The following CPNE5 variants were observed in gnomAD, a reference collection of about 807,000 sequenced individuals.
CPNE5 encodes copine 5.
CPNE5 carries 42 observed loss-of-function variants against 81.1 expected under a neutral mutation model. The observed-to-expected ratio is 0.52, with a 90% CI of 0.40 to 0.67. CPNE5 has a LOEUF of 0.67. CPNE5 is among the 30% of genes least tolerant of loss of function. The pLI is 0.00. For missense variants in CPNE5, 612 were observed against 815.5 expected (o/e 0.75, Z 3.04); for synonymous variants, 313 against 321.5 (o/e 0.97, Z 0.28).
rs1229304644 is a variant in CPNE5, at chr6:36,803,891, C to CT, written c.184-3822dup. On this transcript the variant is annotated intron_variant, in intron 3 of 20. Coordinates refer to ENST00000244751, the MANE Select transcript of CPNE5 (RefSeq NM_020939.2). ...AGTGGGTGGGGCCTGAACAACTGTG[C>CT]TTTTTTAAAGTTCCCTAGGTGATCG... is the stretch of plus-strand genomic sequence containing the variant. Among the ~76,000 whole-genome samples the CT allele has an allele frequency of 3.3e-5, 5 of 152,238 alleles. No individual in the cohort carries two copies. The East Asian group carries it at 9.6e-4, about 29-fold the overall frequency.
At chr6:36,787,119 C>T (rs764159412) in intron 8 of CPNE5, among the ~76,000 whole-genome samples, 12 of 152,240 alleles carry the variant, frequency 7.9e-5, no homozygotes, top group South Asian at 2.1e-4. Flanking sequence ...TGCATACTTC[C>T]GAGTCTCAGA....
intron 8 of CPNE5, among the ~76,000 whole-genome samples, chr6:36,782,227 G>A (rs1043617976): frequency 2.0e-5 from 3 of 152,162 alleles, no homozygotes; most frequent in Non-Finnish European, 4.4e-5. Context: ...AGTCGCCTGA[G>A]TGACATTCTT....
At chr6:36,827,533 A>G (rs1463681430) in intron 1 of CPNE5, 1 of 982,570 alleles carries the variant, frequency 1.0e-6, no homozygotes, top group East Asian at 1.1e-4. Context: ...AGCCGTCCAA[A>G]TACCACATGT....
intron 6 of CPNE5, among the ~76,000 whole-genome samples, chr6:36,796,266 A>G (rs910832819): frequency 2.6e-5 from 4 of 152,222 alleles, no homozygotes; most frequent in African/African-American, 9.6e-5. Context: ...ATATTTTAGA[A>G]CTTGCTTGTC....
rs368358157 is a variant in CPNE5 at position 36,762,274 on chromosome 6, ACACACACGCACGCG to A, written c.855+629_855+642del. Among the ~76,000 whole-genome samples the A allele has an allele frequency of 2.8e-3, 415 of 149,116 alleles. 3 individuals are homozygous for A. The highest frequency in any genetic ancestry group is 9.7e-3 in the African/African-American group (388 of 40,146). On this transcript the variant is annotated intron_variant, in intron 12 of 20. Coordinates refer to ENST00000244751, the MANE Select transcript of CPNE5 (RefSeq NM_020939.2). The stretch of plus-strand genomic sequence containing the variant: ...AGAACACACACATGCACACGCATAC[ACACACACGCACGCG>A]CACACACACATACATGCACACACAC...
At chr6:36,823,148 C>A in intron 1 of CPNE5, 50 bp from the exon 2 acceptor site, 1 of 1,461,992 alleles carries the variant, frequency 6.8e-7, no homozygotes, top group Non-Finnish European at 9.2e-7. Flanking sequence ...TGAGAGGAGG[C>A]GACCTCAGGG....
At chr6:36,747,026 G>A (rs765365945) in intron 15 of CPNE5, among the ~76,000 whole-genome samples, 1 of 151,822 alleles carries the variant, frequency 6.6e-6, no homozygotes, top group Non-Finnish European at 1.5e-5. Context: ...CCTGTCACTC[G>A]CCAGTCCCAG....
intron 1 of CPNE5, among the ~76,000 whole-genome samples, chr6:36,830,973 AT>A (rs1199166463): frequency 6.6e-6 from 1 of 152,064 alleles, no homozygotes; most frequent in African/African-American, 2.4e-5. Context: ...CTGCCTAGCA[AT>A]GTGCTTCCAT....
rs1338191185 is a variant in CPNE5 at position 36,741,864 on chromosome 6, C to T, written c.*404G>A. 1 of 193,280 alleles carries T rather than the reference C, an allele frequency of 5.2e-6. No homozygotes were observed. Among genetic ancestry groups the T allele is most frequent in the Admixed American group, 5.6e-5 (1 of 17,884 alleles). 12.0% of individuals were successfully genotyped at this position (193,280 alleles called of 1,614,324 possible). A position where few individuals can be genotyped will look rare whatever the true frequency, so the allele number is the denominator to read the frequency against. On this transcript the variant is annotated 3_prime_UTR_variant, in exon 21 of 21. Transcript: ENST00000244751. ...CGGGGCTCAGGGACAGGAGTAGACA[C>T]CATGGGAGGATGGGACGGAGATGGG...
intron 3 of CPNE5, among the ~76,000 whole-genome samples, chr6:36,815,264 A>G (rs1205561152): frequency 6.6e-6 from 1 of 152,142 alleles, no homozygotes; most frequent in Non-Finnish European, 1.5e-5. Flanking sequence ...CCTGGGTTGA[A>G]AGTGAGCTCC....
intron 9 of CPNE5, among the ~76,000 whole-genome samples, chr6:36,776,660 C>G (rs1050992682): frequency 6.6e-6 from 1 of 152,192 alleles, no homozygotes; most frequent in Non-Finnish European, 1.5e-5. Context: ...CTTGTGGACC[C>G]TCTGCAGCCT....
intron 1 of CPNE5, among the ~76,000 whole-genome samples, chr6:36,836,928 G>A (rs1042125393): frequency 6.6e-6 from 1 of 152,174 alleles, no homozygotes; most frequent in Admixed American, 6.5e-5. Flanking sequence ...CTGGCTTTCT[G>A]GAGAACATGA....
At chr6:36,825,715 C>G (rs540517758) in intron 1 of CPNE5, among the ~76,000 whole-genome samples, 1 of 152,116 alleles carries the variant, frequency 6.6e-6, no homozygotes, top group Non-Finnish European at 1.5e-5. Flanking sequence ...TTCCCTGGGC[C>G]GACATTCTCA....
rs777363275 is a variant in CPNE5, at chr6:36,746,419, T to C, written c.1177A>G (p.Arg393Gly). The part of the protein sequence containing the change: ...GFGAKLPPDG[R>G]VSHEFPLNGN... ...ACCAGTGGGAACTCGTGGGACACTCTGCCATCCGGGGGCAGCTTGGCCCCG... is the reference window on the plus strand; with the variant it reads ...ACCAGTGGGAACTCGTGGGACACTCCGCCATCCGGGGGCAGCTTGGCCCCG... The change falls in exon 16 of 21, where the codon AGA becomes GGA. Residue 393 changes from arginine (R) to glycine (G), a missense_variant. Physicochemically the swap from Arg to Gly is moderately radical, Grantham distance 125. Transcript: ENST00000244751. This position sits in a 1 kb window ranked among gnomAD's most constrained non-coding sequence, Gnocchi z 4.5. 6.3e-7 allele frequency: 1 copy of C among 1,583,200 alleles called. No homozygotes were observed.
At chr6:36,753,772 G>A (rs964746718) in intron 13 of CPNE5, among the ~76,000 whole-genome samples, 1 of 152,214 alleles carries the variant, frequency 6.6e-6, no homozygotes, top group African/African-American at 2.4e-5. Context: ...TGCCAAGACA[G>A]GCAGCTACCT....
At chr6:36,794,468 C>G in intron 7 of CPNE5, 122 bp downstream of exon 7, 2 of 896,834 alleles carry the variant, frequency 2.2e-6, no homozygotes, top group Middle Eastern at 3.1e-4. Context: ...GACTCTCTGT[C>G]CCCGGATCAG....
chr6:36,821,765 C>T (rs1772072393), intron 3 of CPNE5, among the ~76,000 whole-genome samples: 1 of 152,146 alleles, frequency 6.6e-6, no homozygotes, highest in Non-Finnish European at 1.5e-5. Flanking sequence ...AGGAAGCTTG[C>T]TGTGGATGAG....
rs568848341 is a variant in CPNE5 at position 36,796,106 on chromosome 6, G to A, written c.405-1457C>T. On this transcript the variant is annotated intron_variant, in intron 6 of 20. Coordinates refer to ENST00000244751, the MANE Select transcript of CPNE5 (RefSeq NM_020939.2). Reference sequence around the variant, plus strand: ...TGGGACTACAGGCATGTGCCACCACGCCAGGCTAATTTTTGTATTTTTAGT... The same window carrying A: ...TGGGACTACAGGCATGTGCCACCACACCAGGCTAATTTTTGTATTTTTAGT... Among the ~76,000 whole-genome samples the A allele has an allele frequency of 4.6e-5, 7 of 152,132 alleles. No individual in the cohort carries two copies. In the South Asian group the frequency reaches 1.0e-3, roughly 23 times the overall value.
chr6:36,830,845 C>G (rs1772927995), intron 1 of CPNE5, among the ~76,000 whole-genome samples: 1 of 152,104 alleles, frequency 6.6e-6, no homozygotes, highest in Non-Finnish European at 1.5e-5. Flanking sequence ...CCCTTATTCC[C>G]CCTCCTGTCC....
Sources: allele counts gnomAD v4.1 joint callset (sites outside exome capture counted in the v4.1 genomes callset), GRCh38; gene constraint gnomAD v4.1.1; non-coding constraint Gnocchi (gnomAD v3.1); transcripts MANE v1.5; gene names NCBI Gene and HGNC (gene_info 2026-07-23, HGNC 2026-07-21).